SUMF1: variants seen among roughly 807,000 people sequenced by gnomAD.
The protein encoded by SUMF1 is formylglycine-generating enzyme.
In SUMF1, 48 loss-of-function variants were observed where a neutral mutation model predicts 47.6. The observed-to-expected ratio is 1.01, with a 90% CI of 0.80 to 1.28. The LOEUF is 1.28. Among genes scored for constraint, SUMF1 ranks in the 50% most tolerant of loss-of-function variants. SUMF1 has a pLI of 0.00. For synonymous variants in SUMF1, 230 were observed against 192.1 expected (o/e 1.20, Z -1.63); for missense variants, 571 against 485.4 (o/e 1.18, Z -1.66).
chr3:4,317,498 C>A (rs910704572), intron 8 of SUMF1: 4 of 341,208 alleles, frequency 1.2e-5, no homozygotes, highest in African/African-American at 8.3e-5. Flanking sequence ...GCCTGGGCAA[C>A]ATAGTGAGAC....
chr3:4,140,134 A>C (rs1452236589), intron 8 of SUMF1, among the ~76,000 whole-genome samples: 1 of 152,048 alleles, frequency 6.6e-6, no homozygotes, highest in South Asian at 2.1e-4. Context: ...ACTGGAATTT[A>C]TCCTAATTTT....
chr3:4,332,401 A>AAGCACAG (rs1206183283), intron 8 of SUMF1, among the ~76,000 whole-genome samples: 2 of 152,228 alleles, frequency 1.3e-5, no homozygotes, highest in Non-Finnish European at 2.9e-5. Context: ...TTATATCTCA[A>AAGCACAG]AGCACAGAGC....
intron 8 of SUMF1, among the ~76,000 whole-genome samples, chr3:4,290,258 CAT>C (rs1395819044): frequency 6.8e-6 from 1 of 147,650 alleles, no homozygotes; most frequent in African/African-American, 2.7e-5. Flanking sequence ...ATAACTTGAA[CAT>C]AAATTTCTCT....
intron 8 of SUMF1, among the ~76,000 whole-genome samples, chr3:4,300,669 T>A (rs310712): frequency 6.6e-6 from 1 of 152,034 alleles, no homozygotes; most frequent in Admixed American, 6.5e-5. Flanking sequence ...TGTAAAGACT[T>A]GGAGAAAAAA....
intron 8 of SUMF1, among the ~76,000 whole-genome samples, chr3:4,266,042 A>G (rs1210492389): frequency 2.0e-5 from 3 of 152,132 alleles, no homozygotes; most frequent in Non-Finnish European, 4.4e-5. Context: ...ATAGTTGTAG[A>G]CATGCGGCGT....
At chr3:4,280,145 T>C (rs561289286) in intron 8 of SUMF1, among the ~76,000 whole-genome samples, 1 of 152,298 alleles carries the variant, frequency 6.6e-6, no homozygotes, top group South Asian at 2.1e-4. Flanking sequence ...ATTAGTTCTC[T>C]TAAGCCATTC....
At chr3:4,456,706 G>GTGTATATATATATGTGTGTA (rs1553589023) in intron 1 of SUMF1, among the ~76,000 whole-genome samples, 6 of 113,638 alleles carry the variant, frequency 5.3e-5, no homozygotes, top group Admixed American at 9.2e-5. Context: ...ATATATATAC[G>GTGTATATATATATGTGTGTA]TATATATATA....
At chr3:4,413,224 T>G (rs1223407198) in intron 6 of SUMF1, among the ~76,000 whole-genome samples, 3 of 152,220 alleles carry the variant, frequency 2.0e-5, no homozygotes, top group Non-Finnish European at 4.4e-5. Flanking sequence ...CAGGCTGGTC[T>G]TGAACTCTTA....
chr3:4,266,963 T>C (rs564240164), intron 8 of SUMF1, among the ~76,000 whole-genome samples: 1 of 152,232 alleles, frequency 6.6e-6, no homozygotes, highest in East Asian at 1.9e-4. Context: ...AAAGGCCTTT[T>C]CTGCATCTGT....
intron 8 of SUMF1, among the ~76,000 whole-genome samples, chr3:4,238,023 A>C (rs1696448870): frequency 6.6e-6 from 1 of 151,790 alleles, no homozygotes; most frequent in Non-Finnish European, 1.5e-5. Flanking sequence ...GAGTGAGAAC[A>C]TGTGGTGTTT....
intron 3 of SUMF1, among the ~76,000 whole-genome samples, chr3:4,431,894 AGT>A (rs1330603027): frequency 2.0e-5 from 3 of 152,182 alleles, no homozygotes; most frequent in Non-Finnish European, 4.4e-5. Context: ...TTATGAAGTC[AGT>A]CTATGAATAG....
chr3:4,173,518 C>T (rs1226704030), intron 8 of SUMF1, among the ~76,000 whole-genome samples: 2 of 152,152 alleles, frequency 1.3e-5, no homozygotes, highest in African/African-American at 2.4e-5. Flanking sequence ...ACCCAGCAAT[C>T]CCATTAATGG....
intron 8 of SUMF1, among the ~76,000 whole-genome samples, chr3:4,139,282 A>C (rs776105200): frequency 6.6e-6 from 1 of 151,988 alleles, no homozygotes; most frequent in Non-Finnish European, 1.5e-5. Flanking sequence ...GTTTCGTATC[A>C]GTCATTATTA....
chr3:4,404,178 C>A (rs1445978043), intron 7 of SUMF1, among the ~76,000 whole-genome samples: 1 of 152,174 alleles, frequency 6.6e-6, no homozygotes, highest in African/African-American at 2.4e-5. Flanking sequence ...TGCAACTGAT[C>A]CACAGTGAAA....
intron 7 of SUMF1, among the ~76,000 whole-genome samples, chr3:4,408,376 T>C (rs565209278): frequency 3.3e-5 from 5 of 152,348 alleles, no homozygotes; most frequent in South Asian, 4.1e-4. Flanking sequence ...GTTAACATTA[T>C]GTAGTAGGTA....
At chr3:4,456,371 G>A (rs1703163378) in intron 1 of SUMF1, among the ~76,000 whole-genome samples, 1 of 151,720 alleles carries the variant, frequency 6.6e-6, no homozygotes, top group Non-Finnish European at 1.5e-5. Flanking sequence ...AGAGCAATTA[G>A]GCAAGAGAAA....
chr3:4,442,243 G>GT (rs1447427614), intron 3 of SUMF1, among the ~76,000 whole-genome samples: 1 of 150,046 alleles, frequency 6.7e-6, no homozygotes, highest in Non-Finnish European at 1.5e-5. Context: ...TCAAACAGTT[G>GT]TGCACCATGA....
chr3:4,265,433 A>G (rs1184024972), intron 8 of SUMF1, among the ~76,000 whole-genome samples: 3 of 152,184 alleles, frequency 2.0e-5, no homozygotes, highest in Admixed American at 2.0e-4. Flanking sequence ...ATGATTTTTC[A>G]TATATAAATA....
chr3:4,466,830 A>T, intron 1 of SUMF1, 146 bp downstream of exon 1: 1 of 1,255,300 alleles, frequency 8.0e-7, no homozygotes, highest in South Asian at 1.5e-5. Flanking sequence ...CGGAGAAGGA[A>T]CTCCTCATAC....
Sources: allele counts gnomAD v4.1 joint callset (sites outside exome capture counted in the v4.1 genomes callset), GRCh38; gene constraint gnomAD v4.1.1; transcripts MANE v1.5; gene names NCBI Gene and HGNC (gene_info 2026-07-23, HGNC 2026-07-21).